ARAP2: variants seen among roughly 807,000 people sequenced by gnomAD.
The protein encoded by ARAP2 is ArfGAP with RhoGAP domain, ankyrin repeat and PH domain 2.
In ARAP2, 148 loss-of-function variants were observed where a neutral mutation model predicts 194.5. That is an observed-to-expected ratio of 0.76 (90% CI 0.67 to 0.87). The LOEUF (loss-of-function observed/expected upper bound fraction) is 0.87. ARAP2 is among the 40% of genes least tolerant of loss of function. ARAP2 has a pLI of 0.00. For synonymous variants in ARAP2, 695 were observed against 683.5 expected (o/e 1.02, Z -0.26); for missense variants, 2,128 against 1,989.7 (o/e 1.07, Z -1.32).
chr4:36,169,532 CTTTTT>C (rs200988075), intron 9 of ARAP2, among the ~76,000 whole-genome samples: 3 of 136,342 alleles, frequency 2.2e-5, no homozygotes, highest in Admixed American at 7.3e-5. Flanking sequence ...GCAAAGATGA[CTTTTT>C]TTTTTTTTTT....
At chr4:36,132,054 C>T (rs1242773532) in intron 20 of ARAP2, among the ~76,000 whole-genome samples, 1 of 151,712 alleles carries the variant, frequency 6.6e-6, no homozygotes, top group African/African-American at 2.4e-5. Context: ...TAAAATGACA[C>T]TCTCCCTAGA....
At chr4:36,108,016 C>A (rs1016150081) in intron 26 of ARAP2, among the ~76,000 whole-genome samples, 5 of 151,760 alleles carry the variant, frequency 3.3e-5, no homozygotes, top group African/African-American at 1.2e-4. Context: ...AATTCTACCC[C>A]TTGTACAATA....
At chr4:36,076,372 T>C (rs943931154) in intron 31 of ARAP2, among the ~76,000 whole-genome samples, 1 of 152,086 alleles carries the variant, frequency 6.6e-6, no homozygotes, top group Non-Finnish European at 1.5e-5. Context: ...TGTATGCAAG[T>C]ACACACTCCC....
intron 19 of ARAP2, among the ~76,000 whole-genome samples, chr4:36,134,095 T>C (rs1726078327): frequency 1.3e-5 from 2 of 151,774 alleles, no homozygotes; most frequent in Non-Finnish European, 2.9e-5. Context: ...ACTTCCTTTG[T>C]AACTTTAGAC....
rs987201171 is a variant in ARAP2, at chr4:36,006,668, T to C, written n.1469+235A>G. 3.9e-5 allele frequency: 6 copies of C among 152,266 alleles called. No individual in the cohort carries two copies. In the East Asian group the frequency reaches 1.2e-3, roughly 29 times the overall value. 9.4% of individuals were successfully genotyped at this position (152,266 alleles called of 1,614,324 possible). ...GAAAATAAAATAAAATTTGGAATTA[T>C]TTTTATATATTAAAAAAATCTGCTC... On this transcript the variant is annotated intron_variant and non_coding_transcript_variant, in intron 10 of 12. Coordinates refer to the ARAP2 transcript ENST00000503225.
Position 36,068,098 on chromosome 4 carries a change from C to T in ARAP2, c.4924G>A (p.Glu1642Lys), listed in dbSNP as rs1560355459. The change falls in exon 33 of 33, where the codon GAA becomes AAA. Residue 1642 changes from glutamate (E) to lysine (K), a missense_variant. Glu to Lys is a moderately conservative substitution (Grantham distance 56, BLOSUM62 1). Transcript: ENST00000303965. Reference protein sequence around the residue: ...SFNCLEDTEPEAPLGQPKGHK... With the variant: ...SFNCLEDTEPKAPLGQPKGHK... ...CCTTTTGGTTGCCCAAGTGGGGCTT[C>T]AGGCTCTGTGTCCTCCAGGCAGTTG... 1.9e-6 allele frequency: 3 copies of T among 1,614,148 alleles called. No individual in the cohort carries two copies. Among genetic ancestry groups the T allele is most frequent in the African/African-American group, 2.7e-5 (2 of 75,052 alleles).
At chr4:36,114,726 T>C (rs1026073813) in intron 25 of ARAP2, among the ~76,000 whole-genome samples, 9 of 151,966 alleles carry the variant, frequency 5.9e-5, no homozygotes, top group Non-Finnish European at 5.9e-5. Flanking sequence ...GCCAAAAAGC[T>C]CCAGGGTCTT....
chr4:36,007,103 G>A (rs1343684667), intron 9 of ARAP2: 2 of 152,084 alleles, frequency 1.3e-5, no homozygotes, highest in Non-Finnish European at 2.9e-5. Flanking sequence ...CACTATAGCT[G>A]TATCAATTTG....
chr4:36,028,138 A>G (rs938618854), intron 5 of ARAP2, among the ~76,000 whole-genome samples: 5 of 152,164 alleles, frequency 3.3e-5, no homozygotes, highest in African/African-American at 1.2e-4. Context: ...TTTTATTTAT[A>G]ATTTTACATC....
intron 5 of ARAP2, among the ~76,000 whole-genome samples, chr4:36,031,258 A>G (rs998128116): frequency 5.3e-5 from 8 of 152,366 alleles, no homozygotes; most frequent in African/African-American, 1.9e-4. Flanking sequence ...CTATGGATAT[A>G]ATCCATCATT....
chr4:36,060,174 G>A (rs1013882490), intron 1 of ARAP2, among the ~76,000 whole-genome samples: 2 of 152,122 alleles, frequency 1.3e-5, no homozygotes, highest in African/African-American at 4.8e-5. Context: ...GTAGTCTAGT[G>A]TATTGGTTGA....
At position 36,150,901 on chromosome 4, in the gene ARAP2, C is replaced by T. The variant is rs1346852511; in HGVS notation, c.2896G>A (p.Gly966Arg). 6 of 1,611,092 alleles carry T rather than the reference C, an allele frequency of 3.7e-6. No homozygotes were observed. The highest frequency in any genetic ancestry group is 1.7e-4 in the Middle Eastern group (1 of 6,054). Residue 966 changes from glycine to arginine, a missense_variant and splice_region_variant, in exon 16 of 33, where the codon GGG becomes AGG. Gly to Arg is a moderately radical substitution (Grantham distance 125). Coordinates refer to ENST00000303965, the MANE Select transcript of ARAP2 (RefSeq NM_015230.4). Reference sequence around the variant, plus strand: ...CTAATTGTGTAATGACAGACCTACCCAGTATTTAAATAGAAGTCCTCTTTG... The same window carrying T: ...CTAATTGTGTAATGACAGACCTACCTAGTATTTAAATAGAAGTCCTCTTTG... ...IHKEDFYLNT[G>R]PIFIFEIYLP...
intron 26 of ARAP2, among the ~76,000 whole-genome samples, chr4:36,112,329 C>T (rs1365177526): frequency 6.6e-6 from 1 of 151,820 alleles, no homozygotes; most frequent in Non-Finnish European, 1.5e-5. Context: ...ATACAGTATA[C>T]AGTATTATAG....
At chr4:36,122,161 T>C (rs989839389) in intron 22 of ARAP2, among the ~76,000 whole-genome samples, 20 of 151,844 alleles carry the variant, frequency 1.3e-4, no homozygotes, top group African/African-American at 4.6e-4. Flanking sequence ...GCTTTTACAC[T>C]GTTACTGGGA....
chr4:36,072,195 T>G (rs73123456), intron 32 of ARAP2, among the ~76,000 whole-genome samples: 2,778 of 152,224 alleles, frequency 0.018, 90 homozygotes, highest in African/African-American at 0.064. Context: ...TTTGCCAAAT[T>G]TATCAAATCA....
chr4:36,029,088 AAC>A (rs1370691285), intron 5 of ARAP2, among the ~76,000 whole-genome samples: 1 of 151,990 alleles, frequency 6.6e-6, no homozygotes, highest in African/African-American at 2.4e-5. Context: ...TTTGTATGTA[AAC>A]ACACACCAAC....
At chr4:36,213,489 GTCT>G (rs924933745) in intron 3 of ARAP2, among the ~76,000 whole-genome samples, 170 bp from the exon 4 acceptor site, 1 of 151,964 alleles carries the variant, frequency 6.6e-6, no homozygotes, top group Non-Finnish European at 1.5e-5. Context: ...TCTCCCCATC[GTCT>G]TCTTGATATA....
chr4:36,185,920 G>A (rs574528598), intron 8 of ARAP2, among the ~76,000 whole-genome samples: 213 of 151,874 alleles, frequency 1.4e-3, no homozygotes, highest in African/African-American at 5.0e-3. Context: ...GGAGGTTGCA[G>A]TGAGCCGAGA....
intron 4 of ARAP2, 128 bp from the exon 5 acceptor site, chr4:36,212,615 A>G (rs1747006164): frequency 1.8e-6 from 1 of 558,084 alleles, no homozygotes; most frequent in African/African-American, 1.9e-5. Context: ...AAATAAGTCT[A>G]ATTACTTAGA....
Sources: allele counts gnomAD v4.1 joint callset (sites outside exome capture counted in the v4.1 genomes callset), GRCh38; gene constraint gnomAD v4.1.1; transcripts MANE v1.5; gene names NCBI Gene and HGNC (gene_info 2026-07-23, HGNC 2026-07-21).